The following YES1 variants were observed in gnomAD, a reference collection of about 807,000 sequenced individuals.
YES1 encodes the protein YES proto-oncogene 1, Src family tyrosine kinase.
Under a neutral mutation model 70.4 loss-of-function variants are expected in YES1, and 39 were observed. The ratio of observed to expected loss-of-function variants is 0.55; its 90% CI spans 0.43 to 0.72. The LOEUF is 0.72. Ranked by LOEUF, YES1 falls within the 30% of genes least tolerant of loss-of-function variation. The pLI is 0.00. For missense variants in YES1, 495 were observed against 644.8 expected (o/e 0.77, Z 2.52); for synonymous variants, 198 against 218.6 (o/e 0.91, Z 0.83).
chr18:765,264 A>AGT (rs1178329161), intron 1 of YES1, among the ~76,000 whole-genome samples: 1 of 61,720 alleles, frequency 1.6e-5, no homozygotes, highest in South Asian at 4.4e-4. Flanking sequence ...ATATATATAT[A>AGT]TATATATATA....
At chr18:811,162 T>C (rs953816141) in intron 1 of YES1, among the ~76,000 whole-genome samples, 1 of 152,212 alleles carries the variant, frequency 6.6e-6, no homozygotes, top group Non-Finnish European at 1.5e-5. Flanking sequence ...AAATCGACTG[T>C]GAAAACACAC....
intron 1 of YES1, among the ~76,000 whole-genome samples, chr18:780,141 C>T (rs1209174426): frequency 1.3e-5 from 2 of 152,120 alleles, no homozygotes; most frequent in Non-Finnish European, 2.9e-5. Flanking sequence ...AGGAGAATCA[C>T]TTGAACCAGG....
Position 722,965 on chromosome 18 carries a change from A to AGGTG in YES1, c.*1458_*1459insCACC, listed in dbSNP as rs1568178881. The AGGTG allele has an allele frequency of 2.0e-5, 3 of 152,238 alleles. No homozygotes were observed. The East Asian group carries it at 5.8e-4, about 29-fold the overall frequency. The allele number at this position is 152,238 out of a possible 1,614,324, so 9.4% of individuals were successfully genotyped here. ...AAACTAGCCAGGCGTGGTGGTGGGCACCTGTAGTCCCAGCTACTCGGGAGG... is the reference window on the plus strand; with the variant it reads ...AAACTAGCCAGGCGTGGTGGTGGGCAGGTGCCTGTAGTCCCAGCTACTCGGGAGG... On this transcript the variant is annotated 3_prime_UTR_variant, in exon 12 of 12. Coordinates refer to ENST00000314574, the MANE Select transcript of YES1 (RefSeq NM_005433.4).
At chr18:751,994 G>T (rs1321021389) in intron 2 of YES1, among the ~76,000 whole-genome samples, 190 bp from the exon 3 acceptor site, 1 of 152,106 alleles carries the variant, frequency 6.6e-6, no homozygotes, top group Non-Finnish European at 1.5e-5. Flanking sequence ...TTTATGTTCT[G>T]GGACAATAAC....
At chr18:730,310 G>A (rs1471493633) in intron 11 of YES1, among the ~76,000 whole-genome samples, 1 of 150,744 alleles carries the variant, frequency 6.6e-6, no homozygotes, top group Non-Finnish European at 1.5e-5. Context: ...CCCTGTGTAT[G>A]TGCAGATTAG....
At chr18:810,552 C>T (rs988199513) in intron 1 of YES1, among the ~76,000 whole-genome samples, 3 of 152,158 alleles carry the variant, frequency 2.0e-5, no homozygotes, top group African/African-American at 7.2e-5. Context: ...GTGGTTACAA[C>T]AGAGTATATA....
At chr18:798,546 A>G (rs28379083) in intron 1 of YES1, among the ~76,000 whole-genome samples, 4,033 of 152,266 alleles carry the variant, frequency 0.026, 192 homozygotes, top group African/African-American at 0.092. Context: ...GAGAAGATGC[A>G]TAGGGGAGCC....
intron 1 of YES1, among the ~76,000 whole-genome samples, chr18:763,354 C>G (rs1904691824): frequency 6.6e-6 from 1 of 152,052 alleles, no homozygotes; most frequent in African/African-American, 2.4e-5. Flanking sequence ...GAAAAAATGA[C>G]AGCAGTTAGA....
chr18:764,756 G>A (rs933481187), intron 1 of YES1, among the ~76,000 whole-genome samples: 14 of 151,182 alleles, frequency 9.3e-5, no homozygotes, highest in African/African-American at 2.7e-4. Context: ...TTTTTGAGAC[G>A]GAGTCTCGTT....
rs574636443 is a variant in YES1, at chr18:747,139, C to G, written c.470+781G>C. Among the ~76,000 whole-genome samples, 40 of 152,206 alleles carry G rather than the reference C, an allele frequency of 2.6e-4. No individual in the cohort carries two copies. In the South Asian group the frequency reaches 8.3e-3, roughly 32 times the overall value. ...TTATAATCATAAAATGATAATAAATCTCTGAAATATTTCAAAAATAGTAAA... is the reference window on the plus strand; with the variant it reads ...TTATAATCATAAAATGATAATAAATGTCTGAAATATTTCAAAAATAGTAAA... On this transcript the variant is annotated intron_variant, in intron 4 of 11. Coordinates refer to ENST00000314574, the MANE Select transcript of YES1 (RefSeq NM_005433.4).
intron 1 of YES1, among the ~76,000 whole-genome samples, chr18:801,976 C>G (rs1312454939): frequency 6.6e-6 from 1 of 152,236 alleles, no homozygotes; most frequent in Non-Finnish European, 1.5e-5. Context: ...TACAAAAAGA[C>G]AGCATTTGCT....
chr18:732,732 G>T, intron 11 of YES1, 102 bp downstream of exon 11: 1 of 1,453,708 alleles, frequency 6.9e-7, no homozygotes, highest in Non-Finnish European at 9.5e-7. Context: ...GGGGGACTAT[G>T]AGAAGAAATA....
At chr18:726,566 G>C (rs913656528) in intron 11 of YES1, among the ~76,000 whole-genome samples, 1 of 151,778 alleles carries the variant, frequency 6.6e-6, no homozygotes, top group Non-Finnish European at 1.5e-5. Flanking sequence ...GATCACCTGA[G>C]GTCAGGAGTT....
At chr18:725,657 G>T (rs2080009438) in intron 11 of YES1, among the ~76,000 whole-genome samples, 1 of 152,176 alleles carries the variant, frequency 6.6e-6, no homozygotes. Flanking sequence ...GGGAGGCCAA[G>T]GCGGGTGATC....
chr18:805,356 T>TA (rs912899165), intron 1 of YES1, among the ~76,000 whole-genome samples: 1 of 152,014 alleles, frequency 6.6e-6, no homozygotes, highest in Non-Finnish European at 1.5e-5. Flanking sequence ...TTACACAGTA[T>TA]AAAAAAATAA....
At chr18:763,886 C>G (rs1297396277) in intron 1 of YES1, among the ~76,000 whole-genome samples, 3 of 151,850 alleles carry the variant, frequency 2.0e-5, no homozygotes, top group Admixed American at 2.0e-4. Context: ...CTTTGGGAGG[C>G]CGAGGCGGGC....
chr18:727,855 T>C (rs2080039925), intron 11 of YES1, among the ~76,000 whole-genome samples: 1 of 152,178 alleles, frequency 6.6e-6, no homozygotes, highest in African/African-American at 2.4e-5. Flanking sequence ...CTTCCCTGGC[T>C]TCCATATCTG....
At chr18:750,384 G>A (rs1242006376) in intron 3 of YES1, among the ~76,000 whole-genome samples, 4 of 152,132 alleles carry the variant, frequency 2.6e-5, no homozygotes, top group Non-Finnish European at 5.9e-5. Flanking sequence ...CTAGAGCTGG[G>A]TTTTCCAACT....
intron 11 of YES1, among the ~76,000 whole-genome samples, chr18:727,431 T>C (rs1359900901): frequency 6.6e-6 from 1 of 152,194 alleles, no homozygotes; most frequent in Non-Finnish European, 1.5e-5. Context: ...TATTGGAATG[T>C]TTAGTGTACC....
Sources: gnomAD v4.1 joint callset for allele counts (sites outside exome capture counted in the v4.1 genomes callset) on GRCh38, gnomAD v4.1.1 for gene constraint, MANE v1.5 for transcripts, NCBI Gene and HGNC (gene_info 2026-07-23, HGNC 2026-07-21) for gene names.